A2ML1: variants seen among roughly 807,000 people sequenced by gnomAD.
The protein encoded by A2ML1 is alpha-2-macroglobulin-like protein 1.
In A2ML1, 161 loss-of-function variants were observed where a neutral mutation model predicts 181.9. The observed-to-expected ratio is 0.89, with a 90% CI of 0.78 to 1.01. The LOEUF (loss-of-function observed/expected upper bound fraction) is 1.01. Ranked by LOEUF, A2ML1 falls within the 50% of genes least tolerant of loss-of-function variation. The probability of loss-of-function intolerance (pLI) is 0.00; values close to 1 mark genes in which losing one functional copy is unlikely to be tolerated. For synonymous variants in A2ML1, 663 were observed against 666.8 expected, an observed-to-expected ratio of 0.99 and a Z score of 0.09; for missense variants, 1,670 against 1,768.1, an observed-to-expected ratio of 0.94 and a Z score of 1.00.
At chr12:8,831,786 G>A (rs1943121013) in intron 4 of A2ML1, among the ~76,000 whole-genome samples, 1 of 151,052 alleles carries the variant, frequency 6.6e-6, no homozygotes, top group South Asian at 2.1e-4. Flanking sequence ...TTTCATTCTT[G>A]TTGCCCAGGC....
At chr12:8,855,446 G>A in intron 22 of A2ML1, 63 bp from the exon 23 acceptor site, 1 of 1,513,818 alleles carries the variant, frequency 6.6e-7, no homozygotes, top group Non-Finnish European at 9.1e-7. Context: ...CTAAAATTTT[G>A]TCTTGAGAAC....
intron 33 of A2ML1, among the ~76,000 whole-genome samples, chr12:8,872,162 G>T (rs1944646529): frequency 6.7e-6 from 1 of 149,862 alleles, no homozygotes; most frequent in African/African-American, 2.5e-5. Flanking sequence ...CTGGGCAACG[G>T]TGCAAGACTC....
chr12:8,855,413 T>C, intron 22 of A2ML1, 96 bp from the exon 23 acceptor site: 2 of 1,099,464 alleles, frequency 1.8e-6, no homozygotes, highest in South Asian at 2.6e-5. Context: ...AGTACAGAAA[T>C]CCCTGGATTA....
intron 33 of A2ML1, among the ~76,000 whole-genome samples, chr12:8,871,216 C>T (rs1316087151): frequency 6.6e-6 from 1 of 152,156 alleles, no homozygotes; most frequent in East Asian, 1.9e-4. Flanking sequence ...TCTGAGAATA[C>T]AGTCTTCATG....
chr12:8,867,786 A>G, intron 29 of A2ML1, 56 bp from the exon 30 acceptor site: 1 of 1,503,782 alleles, frequency 6.6e-7, no homozygotes, highest in East Asian at 2.3e-5. Context: ...GAGTTGTTCA[A>G]GGTTAATTCC....
chr12:8,858,195 A>G, intron 26 of A2ML1, 93 bp downstream of exon 26: 1 of 1,438,630 alleles, frequency 7.0e-7, no homozygotes, highest in South Asian at 1.4e-5. Flanking sequence ...TGGCCTGGGA[A>G]TCAGTTTTCT....
intron 4 of A2ML1, 55 bp downstream of exon 4, chr12:8,829,834 A>C (rs1432059783): frequency 6.2e-7 from 1 of 1,607,670 alleles, no homozygotes; most frequent in South Asian, 1.1e-5. Flanking sequence ...AAAGGATGAG[A>C]GATTCTCTAG....
chr12:8,846,284 G>A lies in A2ML1; in HGVS notation c.1683+62G>A, dbSNP rs761098696. On this transcript the variant is annotated intron_variant, in intron 14 of 35. Transcript: ENST00000299698. Reference sequence around the variant, plus strand: ...GGGCATAGAGAAAGATCTTGTGTGTGCTGCGGTTGGAAACAAGACAAGTCA... The same window carrying A: ...GGGCATAGAGAAAGATCTTGTGTGTACTGCGGTTGGAAACAAGACAAGTCA... The A allele has an allele frequency of 1.9e-6, 3 of 1,590,790 alleles. No individual in the cohort carries two copies. In the East Asian group the frequency reaches 6.7e-5, roughly 36 times the overall value.
At position 8,884,600 on chromosome 12, in the gene A2ML1, G is replaced by A. The variant is rs753340223; in HGVS notation, c.*95-1907G>A. 2.4e-4 allele frequency among the ~76,000 whole-genome samples: 36 copies of A among 152,190 alleles called. No homozygotes were observed. The South Asian group carries it at 5.2e-3, about 22-fold the overall frequency. On this transcript the variant is annotated intron_variant and NMD_transcript_variant, in intron 7 of 7. Transcript: ENST00000537475. ...TGCCCAAGCTGGAGTGTAGTAGCGC[G>A]ATCTTGGCTCACTGCAACCTCCACT...
At chr12:8,831,891 A>G (rs145828658) in intron 4 of A2ML1, among the ~76,000 whole-genome samples, 3,678 of 152,192 alleles carry the variant, frequency 0.024, 82 homozygotes, top group African/African-American at 0.064. Flanking sequence ...CTGGGATTAC[A>G]GGCATGCGCC....
At position 8,854,763 on chromosome 12, in the gene A2ML1, GTC is replaced by G. The variant is rs1227433930; in HGVS notation, c.2713-11_2713-10del. ...GTTCATCTTTGTTGTTTTTATCTGTGTCTCTCTTCATCGCAGCCTGAGGGAGT... is the reference window on the plus strand; with the variant it reads ...GTTCATCTTTGTTGTTTTTATCTGTGTCTCTTCATCGCAGCCTGAGGGAGT... On this transcript the variant is annotated splice_polypyrimidine_tract_variant and intron_variant, in intron 21 of 35. Coordinates refer to ENST00000299698, the MANE Select transcript of A2ML1 (RefSeq NM_144670.6). 6.2e-7 allele frequency: 1 copy of G among 1,614,016 alleles called. No homozygotes were observed. Among genetic ancestry groups the G allele is most frequent in the Non-Finnish European group, 8.5e-7 (1 of 1,179,980 alleles).
chr12:8,824,708 C>G (rs753500518), intron 3 of A2ML1, among the ~76,000 whole-genome samples: 152 of 150,756 alleles, frequency 1.0e-3, no homozygotes, highest in African/African-American at 3.6e-3. Flanking sequence ...TTCTCTCTCT[C>G]TCTTTCAAAA....
chr12:8,859,293 T>TA (rs60731237), intron 26 of A2ML1, among the ~76,000 whole-genome samples: 12 of 150,702 alleles, frequency 8.0e-5, no homozygotes, highest in East Asian at 5.9e-4. Context: ...TCTTGAGTGT[T>TA]AAAAAAAAAA....
chr12:8,853,983 G>A (rs1412358774), intron 20 of A2ML1, 145 bp from the exon 21 acceptor site: 2 of 1,071,672 alleles, frequency 1.9e-6, no homozygotes, highest in African/African-American at 1.6e-5. Flanking sequence ...TGCAGAATAT[G>A]GGCCCCACCC....
intron 4 of A2ML1, among the ~76,000 whole-genome samples, chr12:8,832,214 T>TCA (rs1943139742): frequency 6.6e-6 from 1 of 152,090 alleles, no homozygotes; most frequent in African/African-American, 2.4e-5. Flanking sequence ...AGATTACTGG[T>TCA]CTGGGTGGTG....
intron 7 of A2ML1, among the ~76,000 whole-genome samples, chr12:8,884,232 T>TTTTTTTTTTTTTTTTTTTTTTTA (rs1944898055): frequency 2.1e-5 from 3 of 140,536 alleles, no homozygotes; most frequent in East Asian, 2.2e-4. Flanking sequence ...TTATTTTTTG[T>TTTTTTTTTTTTTTTTTTTTTTTA]TTTTTTTTGT....
At chr12:8,882,831 G>A (rs1316967431) in intron 7 of A2ML1, among the ~76,000 whole-genome samples, 1 of 152,080 alleles carries the variant, frequency 6.6e-6, no homozygotes, top group Non-Finnish European at 1.5e-5. Flanking sequence ...ATCTGATTAT[G>A]ACATTCATTT....
chr12:8,857,257 TCA>T lies in A2ML1; in HGVS notation c.2943_2944del (p.Ile982LeufsTer73). 1 of 1,613,632 alleles carries T rather than the reference TCA, an allele frequency of 6.2e-7. No homozygotes were observed. Among genetic ancestry groups the T allele is most frequent in the Middle Eastern group, 1.8e-4 (1 of 5,696 alleles). On this transcript the variant is annotated frameshift_variant, in exon 24 of 36. Coordinates refer to ENST00000299698, the MANE Select transcript of A2ML1 (RefSeq NM_144670.6). LOFTEE classifies it high-confidence loss of function. ...CAGAACATGGTCTTGTTTGCTCCCA[TCA>T]TCTATGTCTTGCAGTACCTGGAGAA... is the stretch of plus-strand genomic sequence containing the variant.
In A2ML1 at chr12:8,848,871, G is replaced by A; in HGVS notation, c.1985G>A (p.Arg662Lys). 1 of 1,614,154 alleles carries A rather than the reference G, an allele frequency of 6.2e-7. No homozygotes were observed. The highest frequency in any genetic ancestry group is 8.5e-7 in the Non-Finnish European group (1 of 1,180,022). The stretch of plus-strand genomic sequence containing the variant: ...TCGAGCCAGCGTTCCATTATCTGGA[G>A]GCCCTCGTTCTCTGAAGGCACGGAC... ...GHSSQRSIIW[R>K]PSFSEGTDLF... The change falls in exon 16 of 36, where the codon AGG becomes AAG. Residue 662 changes from arginine to lysine, a missense_variant. Transcript: ENST00000299698.
Sources: gnomAD v4.1 joint callset for allele counts (sites outside exome capture counted in the v4.1 genomes callset) on GRCh38, gnomAD v4.1.1 for gene constraint, MANE v1.5 for transcripts, NCBI Gene and HGNC (gene_info 2026-07-23, HGNC 2026-07-21) for gene names.